Variants in MAF observed in about 807,000 individuals in gnomAD.
MAF encodes transcription factor Maf.
MAF carries 10 observed loss-of-function variants against 22.0 expected under a neutral mutation model. The observed-to-expected ratio is 0.45, with a 90% confidence interval of 0.28 to 0.77. The LOEUF is 0.77. Ranked by LOEUF, MAF falls within the 30% of genes least tolerant of loss-of-function variation. The pLI, the probability that MAF is intolerant of heterozygous loss-of-function variation, is 0.12. For synonymous variants in MAF, 337 were observed against 255.8 expected (o/e 1.32, Z -3.03); for missense variants, 544 against 548.4 (o/e 0.99, Z 0.08).
the MAF span, among the ~76,000 whole-genome samples, chr16:79,422,409 C>T: frequency 3.3e-5 from 5 of 152,312 alleles, no homozygotes; most frequent in South Asian, 1.0e-3. Flanking sequence ...CATGGACTCT[C>T]TGTAGAGTCC....
chr16:79,364,548 A>C, the MAF span, among the ~76,000 whole-genome samples: 1 of 152,210 alleles, frequency 6.6e-6, no homozygotes, highest in Non-Finnish European at 1.5e-5. Flanking sequence ...ACAGGAAGTC[A>C]TGGACACACA....
At chr16:79,528,269 C>T in the MAF span, among the ~76,000 whole-genome samples, 1 of 152,168 alleles carries the variant, frequency 6.6e-6, no homozygotes, top group Non-Finnish European at 1.5e-5. Flanking sequence ...AGCCCTTTGT[C>T]CCCTCTCATG....
At chr16:79,224,484 C>G in the MAF span, among the ~76,000 whole-genome samples, 1 of 152,056 alleles carries the variant, frequency 6.6e-6, no homozygotes, top group Non-Finnish European at 1.5e-5. Context: ...GCTCCTATTC[C>G]ACATAGTATT....
chr16:79,275,114 G>A, the MAF span, among the ~76,000 whole-genome samples: 1 of 152,206 alleles, frequency 6.6e-6, no homozygotes, highest in African/African-American at 2.4e-5. Flanking sequence ...CCAGCACTTT[G>A]GGAGGCTGAG....
At chr16:79,430,878 A>G in the MAF span, among the ~76,000 whole-genome samples, 1 of 152,160 alleles carries the variant, frequency 6.6e-6, no homozygotes, top group South Asian at 2.1e-4. Context: ...ACATTTTAGG[A>G]AAGTAAATGA....
the MAF span, among the ~76,000 whole-genome samples, chr16:79,329,416 C>T: frequency 6.6e-6 from 1 of 152,104 alleles, no homozygotes; most frequent in Admixed American, 6.5e-5. Flanking sequence ...TTTCACAACA[C>T]CGGTATCTGG....
chr16:79,405,564 C>T, the MAF span, among the ~76,000 whole-genome samples: 1 of 152,170 alleles, frequency 6.6e-6, no homozygotes, highest in Non-Finnish European at 1.5e-5. Flanking sequence ...TGGTTTTGAC[C>T]CACACCGTTT....
At chr16:79,507,724 C>T in the MAF span, among the ~76,000 whole-genome samples, 341 of 152,300 alleles carry the variant, frequency 2.2e-3, 2 homozygotes, top group African/African-American at 7.8e-3. Flanking sequence ...CGCGCCCGGC[C>T]GCATCCTACT....
the MAF span, among the ~76,000 whole-genome samples, chr16:79,517,071 T>C: frequency 6.6e-6 from 1 of 152,322 alleles, no homozygotes; most frequent in African/African-American, 2.4e-5. Context: ...TCTTTTGTCT[T>C]GGCTGTCTGT....
intron 1 of MAF, chr16:79,596,968 A>AG (rs397948885): frequency 3.8e-6 from 4 of 1,051,874 alleles, no homozygotes; most frequent in Non-Finnish European, 1.1e-6. Flanking sequence ...AGAAAAAAAA[A>AG]CATACATTTT....
the MAF span, among the ~76,000 whole-genome samples, chr16:79,351,956 G>C: frequency 6.6e-6 from 1 of 152,140 alleles, no homozygotes; most frequent in East Asian, 1.9e-4. Context: ...CCCAAGATAA[G>C]CATGCCGGGA....
chr16:79,476,408 ATACTT>A, the MAF span, among the ~76,000 whole-genome samples: 2 of 152,374 alleles, frequency 1.3e-5, no homozygotes, highest in African/African-American at 4.8e-5. Flanking sequence ...AACTGATACA[ATACTT>A]TACATATGTT....
the MAF span, among the ~76,000 whole-genome samples, chr16:79,436,328 C>T: frequency 2.5e-4 from 38 of 152,300 alleles, no homozygotes; most frequent in African/African-American, 8.7e-4. Flanking sequence ...GGTGATCTGC[C>T]CGCTTCAGCC....
the MAF span, among the ~76,000 whole-genome samples, chr16:79,311,515 A>T: frequency 2.5e-3 from 373 of 146,552 alleles, 1 homozygote; most frequent in Non-Finnish European, 2.5e-3. Flanking sequence ...AAAAAAAAAA[A>T]CATTATGTCT....
the MAF span, among the ~76,000 whole-genome samples, chr16:79,559,834 G>T: frequency 6.6e-6 from 1 of 152,168 alleles, no homozygotes; most frequent in Non-Finnish European, 1.5e-5. Flanking sequence ...AAGCATGGAT[G>T]CTTGAAAGTT....
At chr16:79,543,422 A>G in the MAF span, among the ~76,000 whole-genome samples, 2 of 152,220 alleles carry the variant, frequency 1.3e-5, no homozygotes. Context: ...CAAGATGACA[A>G]GAGCCACTTA....
chr16:79,246,848 C>G, the MAF span, among the ~76,000 whole-genome samples: 3 of 152,164 alleles, frequency 2.0e-5, no homozygotes, highest in African/African-American at 7.2e-5. Flanking sequence ...ATCCATCCAT[C>G]CATCTTTTCA....
At chr16:79,534,953 T>C in the MAF span, among the ~76,000 whole-genome samples, 1 of 152,190 alleles carries the variant, frequency 6.6e-6, no homozygotes, top group Non-Finnish European at 1.5e-5. Flanking sequence ...GTGATGATGA[T>C]AACAACAAAA....
At chr16:79,289,854 A>ATTT in the MAF span, among the ~76,000 whole-genome samples, 2 of 55,638 alleles carry the variant, frequency 3.6e-5, no homozygotes. Flanking sequence ...TTGTTTGTGT[A>ATTT]TTTTTTTTTT....
Sources: gnomAD v4.1 joint callset for allele counts (sites outside exome capture counted in the v4.1 genomes callset) on GRCh38, gnomAD v4.1.1 for gene constraint, MANE v1.5 for transcripts, NCBI Gene and HGNC (gene_info 2026-07-23, HGNC 2026-07-21) for gene names.